The following MSRA variants were observed in gnomAD, a reference collection of about 807,000 sequenced individuals.
MSRA encodes the protein methionine sulfoxide reductase A.
MSRA carries 54 observed loss-of-function variants against 31.3 expected under a neutral mutation model. That is an observed-to-expected ratio of 1.73 (90% CI 1.39 to 2.17). The LOEUF is 2.17. Ranked by LOEUF, MSRA falls within the 30% of genes most tolerant of loss-of-function variation. The probability of loss-of-function intolerance (pLI) is 0.00; values close to 1 mark genes in which losing one functional copy is unlikely to be tolerated. For synonymous variants in MSRA, 169 were observed against 116.5 expected, an observed-to-expected ratio of 1.45 and a Z score of -2.90; for missense variants, 507 against 300.9, an observed-to-expected ratio of 1.69 and a Z score of -5.07.
At chr8:10,140,282 T>G (rs1802596697) in intron 1 of MSRA, among the ~76,000 whole-genome samples, 1 of 152,160 alleles carries the variant, frequency 6.6e-6, no homozygotes, top group Non-Finnish European at 1.5e-5. Flanking sequence ...CCAATGAGAA[T>G]CTTATGACCT....
intron 5 of MSRA, among the ~76,000 whole-genome samples, chr8:10,384,245 G>C (rs994027459): frequency 6.6e-6 from 1 of 152,160 alleles, no homozygotes; most frequent in Non-Finnish European, 1.5e-5. Context: ...TGAAATAGGA[G>C]CATCTCCCTG....
intron 5 of MSRA, among the ~76,000 whole-genome samples, chr8:10,361,359 T>G (rs528308231): frequency 7.9e-5 from 12 of 152,336 alleles, no homozygotes; most frequent in African/African-American, 2.9e-4. Context: ...TATTAAACTC[T>G]TCCTTGGGAG....
At chr8:10,092,773 T>C (rs1013583292) in intron 1 of MSRA, among the ~76,000 whole-genome samples, 2 of 152,248 alleles carry the variant, frequency 1.3e-5, no homozygotes, top group African/African-American at 2.4e-5. Context: ...CTCACAGTTG[T>C]GGAATGAAAG....
chr8:10,213,715 G>T (rs556372804), intron 2 of MSRA, among the ~76,000 whole-genome samples: 17 of 151,996 alleles, frequency 1.1e-4, no homozygotes, highest in Non-Finnish European at 2.4e-4. Flanking sequence ...CATTTTCTTT[G>T]CCATTCTTCT....
At chr8:10,171,883 T>C (rs1414945331) in intron 1 of MSRA, among the ~76,000 whole-genome samples, 1 of 152,254 alleles carries the variant, frequency 6.6e-6, no homozygotes, top group Non-Finnish European at 1.5e-5. Context: ...ATTTCTTGTG[T>C]AATGTTATAA....
chr8:10,428,280 G>A lies in MSRA; in HGVS notation c.676G>A (p.Gly226Ser), dbSNP rs199964551. ...TGGCTACTGCGGCCTTGGGGGCACC[G>A]GCGTGTCCTGCCCAGTGGGTATTAA... ...PNGYCGLGGT[G>S]VSCPVGIKK is the part of the protein sequence containing the mutation. Residue 226 changes from glycine (G) to serine (S), a missense_variant, in exon 6 of 6, where the codon GGC (glycine) becomes AGC (serine). Coordinates refer to ENST00000317173, the MANE Select transcript of MSRA (RefSeq NM_012331.5). 372 of 1,614,086 alleles carry A rather than the reference G, an allele frequency of 2.3e-4. 2 individuals are homozygous for A. In the South Asian group the frequency reaches 3.3e-3, roughly 15 times the overall value.
At chr8:10,146,890 A>G (rs949528014) in intron 1 of MSRA, among the ~76,000 whole-genome samples, 12 of 152,172 alleles carry the variant, frequency 7.9e-5, no homozygotes, top group African/African-American at 2.7e-4. Context: ...ACCTATTTGC[A>G]AAAGGGAGCC....
intron 5 of MSRA, among the ~76,000 whole-genome samples, chr8:10,357,017 G>A (rs547853700): frequency 2.0e-5 from 3 of 151,978 alleles, no homozygotes; most frequent in Non-Finnish European, 2.9e-5. Context: ...GCATGCTTCA[G>A]CAGTTCCTCT....
intron 1 of MSRA, among the ~76,000 whole-genome samples, chr8:10,189,535 TA>T (rs1481253263): frequency 6.6e-6 from 1 of 152,210 alleles, no homozygotes; most frequent in African/African-American, 2.4e-5. Flanking sequence ...AAAAGTTTTT[TA>T]AACACAGGTA....
intron 5 of MSRA, among the ~76,000 whole-genome samples, chr8:10,323,478 C>T (rs891261401): frequency 7.9e-5 from 12 of 152,070 alleles, no homozygotes; most frequent in African/African-American, 2.2e-4. Context: ...CAGTGCCTTC[C>T]GTGTGATGGT....
chr8:10,366,847 G>A (rs1319752587), intron 5 of MSRA, among the ~76,000 whole-genome samples: 2 of 152,076 alleles, frequency 1.3e-5, no homozygotes, highest in African/African-American at 2.4e-5. Flanking sequence ...TGGTTGTGCT[G>A]ACCACCAGAC....
chr8:10,111,697 A>T (rs1028266865), intron 1 of MSRA, among the ~76,000 whole-genome samples: 8 of 152,360 alleles, frequency 5.3e-5, no homozygotes, highest in African/African-American at 1.9e-4. Context: ...CTAGTATTGC[A>T]TGAGAAGAGC....
chr8:10,165,334 A>C (rs6999817), intron 1 of MSRA, among the ~76,000 whole-genome samples: 1 of 151,978 alleles, frequency 6.6e-6, no homozygotes, highest in East Asian at 1.9e-4. Flanking sequence ...AAGTGCTTCT[A>C]TTCTTTTTTT....
chr8:10,054,493 C>G lies in MSRA; in HGVS notation c.-24C>G. Reference sequence around the variant, plus strand: ...CTGCCGGTAGCGCCGTCCCCCGGGACCACCCTTCGGCTGGCGCCCTCCCAT... The same window carrying G: ...CTGCCGGTAGCGCCGTCCCCCGGGAGCACCCTTCGGCTGGCGCCCTCCCAT... On this transcript the variant is annotated 5_prime_UTR_variant, in exon 1 of 6. Transcript: ENST00000317173. 3 of 1,557,866 alleles carry G rather than the reference C, an allele frequency of 1.9e-6. No individual in the cohort carries two copies. The highest frequency in any genetic ancestry group is 2.6e-6 in the Non-Finnish European group (3 of 1,153,216).
chr8:10,057,719 G>T (rs1268300791), intron 1 of MSRA, among the ~76,000 whole-genome samples: 1 of 152,148 alleles, frequency 6.6e-6, no homozygotes, highest in East Asian at 1.9e-4. Context: ...TTGCCCCTTT[G>T]CGCTCTCTCG....
At chr8:10,406,990 A>G (rs764339503) in intron 5 of MSRA, among the ~76,000 whole-genome samples, 27 of 151,790 alleles carry the variant, frequency 1.8e-4, no homozygotes, top group Non-Finnish European at 3.7e-4. Flanking sequence ...TAATCCTTCC[A>G]TCTCGGTCTC....
At chr8:10,386,501 C>T (rs900264454) in intron 5 of MSRA, among the ~76,000 whole-genome samples, 11 of 152,128 alleles carry the variant, frequency 7.2e-5, no homozygotes, top group Non-Finnish European at 1.0e-4. Context: ...ATTTCAAGGC[C>T]GTGAACCTTC....
intron 3 of MSRA, among the ~76,000 whole-genome samples, chr8:10,278,064 G>A (rs576239120): frequency 4.6e-5 from 7 of 152,176 alleles, no homozygotes; most frequent in African/African-American, 1.2e-4. Context: ...GATGCTCGCT[G>A]TCTTGTTAAA....
At chr8:10,190,940 A>C (rs1807455572) in intron 1 of MSRA, among the ~76,000 whole-genome samples, 1 of 152,330 alleles carries the variant, frequency 6.6e-6, no homozygotes, top group East Asian at 1.9e-4. Flanking sequence ...TTCAGGAGTC[A>C]GTAAACTAGG....
Sources: gnomAD v4.1 joint callset for allele counts (sites outside exome capture counted in the v4.1 genomes callset) on GRCh38, gnomAD v4.1.1 for gene constraint, MANE v1.5 for transcripts, NCBI Gene and HGNC (gene_info 2026-07-23, HGNC 2026-07-21) for gene names.